Variants in SAMD5 observed in about 807,000 individuals in gnomAD.
The protein encoded by SAMD5 is sterile alpha motif domain-containing protein 5.
SAMD5 carries 13 observed loss-of-function variants against 11.3 expected under a neutral mutation model. The observed-to-expected ratio is 1.15, with a 90% confidence interval of 0.75 to 1.83. The LOEUF is 1.83. Ranked by LOEUF, SAMD5 falls within the 40% of genes most tolerant of loss-of-function variation. The pLI is 0.00. For synonymous variants in SAMD5, 129 were observed against 111.3 expected (o/e 1.16, Z -1.00); for missense variants, 255 against 239.1 (o/e 1.07, Z -0.44).
intron 1 of SAMD5, among the ~76,000 whole-genome samples, chr6:147,519,373 A>C (rs968130971): frequency 3.9e-5 from 6 of 152,180 alleles, no homozygotes; most frequent in Non-Finnish European, 8.8e-5. Context: ...CTTTAGTTTT[A>C]AAGCATTTAA....
the SAMD5 span, among the ~76,000 whole-genome samples, chr6:147,940,602 A>G: frequency 1.3e-5 from 2 of 152,328 alleles, no homozygotes; most frequent in East Asian, 3.9e-4. Flanking sequence ...AGTATCATGT[A>G]TTCTGCTTTA....
chr6:147,758,609 A>G, the SAMD5 span, among the ~76,000 whole-genome samples: 1 of 152,194 alleles, frequency 6.6e-6, no homozygotes, highest in South Asian at 2.1e-4. Flanking sequence ...TGGCTTTCTA[A>G]TCTTCTTTAA....
At chr6:147,701,594 TC>T (rs1791253677) in intron 1 of SAMD5, among the ~76,000 whole-genome samples, 1 of 148,936 alleles carries the variant, frequency 6.7e-6, no homozygotes, top group Admixed American at 6.7e-5. Context: ...AGATTGTGCC[TC>T]ACTGCAAGTG....
At chr6:147,858,467 A>G in the SAMD5 span, among the ~76,000 whole-genome samples, 40 of 152,316 alleles carry the variant, frequency 2.6e-4, no homozygotes, top group East Asian at 6.0e-3. Flanking sequence ...GAGGCACCTG[A>G]TCCTCCCCTA....
chr6:147,571,242 G>A (rs844587), downstream of SAMD5, among the ~76,000 whole-genome samples: 14,528 of 152,120 alleles, frequency 0.096, 1,194 homozygotes, highest in African/African-American at 0.22. Context: ...TTTTAAAAAT[G>A]GGGAAATGTA....
the SAMD5 span, among the ~76,000 whole-genome samples, chr6:147,826,038 C>A: frequency 6.6e-6 from 1 of 152,278 alleles, no homozygotes; most frequent in African/African-American, 2.4e-5. Context: ...GATTTCACAG[C>A]CCATAGTCCT....
At chr6:147,812,906 G>A in the SAMD5 span, among the ~76,000 whole-genome samples, 1,193 of 152,220 alleles carry the variant, frequency 7.8e-3, 19 homozygotes, top group Middle Eastern at 0.044. Flanking sequence ...CTTTTAATTC[G>A]TTTGTCAATA....
chr6:147,819,002 G>A, the SAMD5 span, among the ~76,000 whole-genome samples: 2 of 151,914 alleles, frequency 1.3e-5, no homozygotes, highest in African/African-American at 2.4e-5. Flanking sequence ...AATATAAATC[G>A]TTCTACCATA....
chr6:147,563,270 C>T (rs1583084680), intron 1 of SAMD5, among the ~76,000 whole-genome samples: 1 of 152,128 alleles, frequency 6.6e-6, no homozygotes, highest in Non-Finnish European at 1.5e-5. Context: ...GGTGCTAAAA[C>T]AAATTGCTGT....
At chr6:147,885,725 A>G in the SAMD5 span, among the ~76,000 whole-genome samples, 1 of 152,186 alleles carries the variant, frequency 6.6e-6, no homozygotes, top group Non-Finnish European at 1.5e-5. Context: ...AGAATTTTCT[A>G]GGGGTACTCC....
chr6:147,526,097 A>G (rs979647087), intron 1 of SAMD5, among the ~76,000 whole-genome samples: 6 of 152,170 alleles, frequency 3.9e-5, no homozygotes, highest in African/African-American at 1.4e-4. Flanking sequence ...CTAGGACATG[A>G]TGAACTGGGC....
chr6:147,723,381 A>G (rs917076787), intron 1 of SAMD5, among the ~76,000 whole-genome samples: 1 of 152,030 alleles, frequency 6.6e-6, no homozygotes, highest in Non-Finnish European at 1.5e-5. Flanking sequence ...CTTCCCCCAA[A>G]ATCATTGGAT....
At chr6:147,538,933 T>C (rs770837686) in intron 1 of SAMD5, among the ~76,000 whole-genome samples, 3 of 152,166 alleles carry the variant, frequency 2.0e-5, no homozygotes, top group Non-Finnish European at 4.4e-5. Flanking sequence ...CTTTTTTATA[T>C]ATAAACATCA....
chr6:147,595,072 G>A (rs1789509464), intron 1 of SAMD5, among the ~76,000 whole-genome samples: 1 of 152,156 alleles, frequency 6.6e-6, no homozygotes, highest in Non-Finnish European at 1.5e-5. Context: ...GTTAGAATAA[G>A]TTTCATATAC....
chr6:147,712,798 T>C (rs1791417537), intron 1 of SAMD5, among the ~76,000 whole-genome samples: 2 of 148,764 alleles, frequency 1.3e-5, no homozygotes, highest in African/African-American at 5.1e-5. Context: ...CTTCCCAGCC[T>C]CTGGAACTAT....
At chr6:147,900,669 C>T in the SAMD5 span, among the ~76,000 whole-genome samples, 2 of 142,316 alleles carry the variant, frequency 1.4e-5, no homozygotes, top group Non-Finnish European at 2.9e-5. Context: ...ACTAATTGTG[C>T]CAGTTATCTG....
At chr6:147,866,920 T>C in the SAMD5 span, among the ~76,000 whole-genome samples, 1 of 152,204 alleles carries the variant, frequency 6.6e-6, no homozygotes, top group African/African-American at 2.4e-5. Context: ...TAATATATAT[T>C]GTTCATACAG....
the SAMD5 span, among the ~76,000 whole-genome samples, chr6:147,800,001 G>C: frequency 6.6e-6 from 1 of 151,866 alleles, no homozygotes; most frequent in African/African-American, 2.4e-5. Flanking sequence ...CAACTTCTTT[G>C]CCTTTGGTTT....
At chr6:147,610,362 G>A (rs749190380) in intron 1 of SAMD5, among the ~76,000 whole-genome samples, 2 of 152,240 alleles carry the variant, frequency 1.3e-5, no homozygotes, top group East Asian at 1.9e-4. Context: ...AGACATGACC[G>A]GTGTTGGTGC....
Sources: gnomAD v4.1 joint callset for allele counts (sites outside exome capture counted in the v4.1 genomes callset) on GRCh38, gnomAD v4.1.1 for gene constraint, MANE v1.5 for transcripts, NCBI Gene and HGNC (gene_info 2026-07-23, HGNC 2026-07-21) for gene names.